PFDN1: variants seen among roughly 807,000 people sequenced by gnomAD.
The protein encoded by PFDN1 is prefoldin 1.
Under a neutral mutation model 17.3 loss-of-function variants are expected in PFDN1, and 6 were observed. The observed-to-expected ratio is 0.35, with a 90% CI of 0.19 to 0.69. PFDN1 has a LOEUF of 0.69. Ranked by LOEUF, PFDN1 falls within the 30% of genes least tolerant of loss-of-function variation. The pLI, the probability that PFDN1 is intolerant of heterozygous loss-of-function variation, is 0.65. For missense variants in PFDN1, 113 were observed against 146.2 expected (o/e 0.77, Z 1.17); for synonymous variants, 58 against 50.1 (o/e 1.16, Z -0.67).
At chr5:140,283,954 A>G (rs1165336180) in intron 2 of PFDN1, among the ~76,000 whole-genome samples, 1 of 152,224 alleles carries the variant, frequency 6.6e-6, no homozygotes, top group Non-Finnish European at 1.5e-5. Flanking sequence ...TAGCTGGCCA[A>G]TGAGTACTAT....
chr5:140,255,666 C>A (rs1185148561), intron 3 of PFDN1, among the ~76,000 whole-genome samples: 1 of 152,078 alleles, frequency 6.6e-6, no homozygotes, highest in East Asian at 1.9e-4. Context: ...AACACACACA[C>A]AACCCTTCCA....
chr5:140,251,057 C>A (rs905626393), intron 3 of PFDN1, among the ~76,000 whole-genome samples: 35 of 152,100 alleles, frequency 2.3e-4, no homozygotes, highest in African/African-American at 8.2e-4. Context: ...ATCTCAGCCT[C>A]CCGAGTAGCT....
At chr5:140,299,017 C>T (rs1374504374) in intron 2 of PFDN1, among the ~76,000 whole-genome samples, 1 of 152,054 alleles carries the variant, frequency 6.6e-6, no homozygotes, top group East Asian at 1.9e-4. Flanking sequence ...TCCTGCAGTG[C>T]TGAGATTACA....
At chr5:140,269,422 G>A (rs1247892008) in intron 3 of PFDN1, among the ~76,000 whole-genome samples, 2 of 151,328 alleles carry the variant, frequency 1.3e-5, no homozygotes, top group Admixed American at 6.6e-5. Flanking sequence ...GGGTTCAAGC[G>A]ATTCTCCTGC....
intron 2 of PFDN1, among the ~76,000 whole-genome samples, chr5:140,283,899 G>A (rs1484787494): frequency 2.0e-5 from 3 of 152,152 alleles, no homozygotes; most frequent in Non-Finnish European, 2.9e-5. Context: ...TTTTAGCCAT[G>A]GAAATAATTT....
intron 2 of PFDN1, among the ~76,000 whole-genome samples, chr5:140,286,638 C>T (rs1765499054): frequency 9.3e-6 from 1 of 107,712 alleles, no homozygotes; most frequent in Non-Finnish European, 1.7e-5. Flanking sequence ...GACAGTCTTG[C>T]TCTGTTGCCC....
chr5:140,293,243 T>C (rs1467613516), intron 2 of PFDN1: 1 of 151,794 alleles, frequency 6.6e-6, no homozygotes, highest in Non-Finnish European at 1.5e-5. Context: ...TGGAAAACAC[T>C]GTAGTATCCC....
rs146934289 is a variant in PFDN1, at chr5:140,303,062, G to C, written c.12C>G (p.Pro4=). ...TTACCTTCTTCAGCTCTAGATCCAC[G>C]GGGGCGGCCATCTTGGTGCACTGTA... MAA[P]VDLELKKAFT... is the part of the protein sequence containing the mutation. The change falls in exon 1 of 4, where the codon CCC becomes CCG. Residue 4 remains proline (P), a synonymous_variant. Coordinates refer to ENST00000261813, the MANE Select transcript of PFDN1 (RefSeq NM_002622.5). The C allele has an allele frequency of 1.2e-6, 2 of 1,612,544 alleles. No individual in the cohort carries two copies. Among genetic ancestry groups the C allele is most frequent in the Non-Finnish European group, 1.7e-6 (2 of 1,178,608 alleles).
chr5:140,255,004 A>G (rs1764964997), intron 3 of PFDN1, among the ~76,000 whole-genome samples: 1 of 152,204 alleles, frequency 6.6e-6, no homozygotes, highest in South Asian at 2.1e-4. Flanking sequence ...ATGTTGCTGG[A>G]GGAAAATGCT....
intron 2 of PFDN1, among the ~76,000 whole-genome samples, chr5:140,285,826 G>T (rs1373092365): frequency 6.6e-6 from 1 of 151,894 alleles, no homozygotes; most frequent in African/African-American, 2.4e-5. Flanking sequence ...ACAGAAATAG[G>T]ATACAAAACA....
At chr5:140,278,164 T>C (rs1765327904) in intron 3 of PFDN1, among the ~76,000 whole-genome samples, 1 of 149,398 alleles carries the variant, frequency 6.7e-6, no homozygotes, top group Admixed American at 6.7e-5. Context: ...GCCAAGATCA[T>C]GCCACTGCAC....
At chr5:140,272,251 C>T (rs1451948137) in intron 3 of PFDN1, among the ~76,000 whole-genome samples, 1 of 152,026 alleles carries the variant, frequency 6.6e-6, no homozygotes, top group Non-Finnish European at 1.5e-5. Flanking sequence ...AACTCCTGAC[C>T]TCAGGTGATC....
intron 3 of PFDN1, among the ~76,000 whole-genome samples, chr5:140,268,889 T>G (rs1306934301): frequency 6.6e-6 from 1 of 152,238 alleles, no homozygotes; most frequent in African/African-American, 2.4e-5. Flanking sequence ...TACATGGACA[T>G]CTCTGTGATT....
chr5:140,292,602 C>A (rs576967507), intron 2 of PFDN1, among the ~76,000 whole-genome samples: 1 of 152,230 alleles, frequency 6.6e-6, no homozygotes, highest in East Asian at 1.9e-4. Context: ...TAATGTAGTT[C>A]ATTTCAAGAC....
At position 140,289,713 on chromosome 5, in the gene PFDN1, T is replaced by C. The variant is rs539719228; in HGVS notation, c.201-8180A>G. On this transcript the variant is annotated intron_variant, in intron 2 of 3. Transcript: ENST00000261813. The stretch of plus-strand genomic sequence containing the variant: ...TCTATGATCACTTCTACTTGTATGT[T>C]CCATATCACCTCAAATTCAACATGG... Among the ~76,000 whole-genome samples the C allele has an allele frequency of 6.6e-5, 10 of 152,310 alleles. No individual in the cohort carries two copies. The South Asian group carries it at 2.1e-3, about 32-fold the overall frequency.
At chr5:140,280,014 C>CAAAAAAAAAA (rs5871731) in intron 3 of PFDN1, among the ~76,000 whole-genome samples, 8 of 99,124 alleles carry the variant, frequency 8.1e-5, no homozygotes, top group African/African-American at 3.5e-4. Flanking sequence ...AAAAAAAAAA[C>CAAAAAAAAAA]AAAAAAAGAA....
chr5:140,301,152 T>C (rs1270313546), intron 1 of PFDN1, among the ~76,000 whole-genome samples: 1 of 152,210 alleles, frequency 6.6e-6, no homozygotes, highest in African/African-American at 2.4e-5. Context: ...GTTGAACAAC[T>C]ACTGGGGGGA....
intron 3 of PFDN1, among the ~76,000 whole-genome samples, chr5:140,257,015 T>C (rs1291592590): frequency 6.6e-6 from 1 of 150,626 alleles, no homozygotes; most frequent in Non-Finnish European, 1.5e-5. Context: ...AGGTCAGGAG[T>C]TTTGAGACCA....
intron 3 of PFDN1, among the ~76,000 whole-genome samples, chr5:140,271,241 A>G (rs960032503): frequency 2.8e-4 from 43 of 152,298 alleles, no homozygotes; most frequent in African/African-American, 9.6e-4. Flanking sequence ...AGTTCATGAT[A>G]AACTCTGGGG....
Sources: allele counts gnomAD v4.1 joint callset (sites outside exome capture counted in the v4.1 genomes callset), GRCh38; gene constraint gnomAD v4.1.1; transcripts MANE v1.5; gene names NCBI Gene and HGNC (gene_info 2026-07-23, HGNC 2026-07-21).